Variants in RPGRIP1L observed in about 807,000 individuals in gnomAD.
RPGRIP1L encodes the protein protein fantom.
In RPGRIP1L, 131 loss-of-function variants were observed where a neutral mutation model predicts 160.4. That is an observed-to-expected ratio of 0.82 (90% confidence interval 0.71 to 0.94). The LOEUF (loss-of-function observed/expected upper bound fraction) is 0.94, where lower values mean the gene tolerates loss of function less well. RPGRIP1L is among the 40% of genes least tolerant of loss of function. The pLI is 0.00. For synonymous variants in RPGRIP1L, 510 were observed against 515.8 expected (o/e 0.99, Z 0.15); for missense variants, 1,522 against 1,535.8 (o/e 0.99, Z 0.15).
Position 53,656,519 on chromosome 16 carries a change from T to G in RPGRIP1L, c.1652A>C (p.Tyr551Ser), listed in dbSNP as rs1307023675. The change falls in exon 14 of 27, where the codon TAT becomes TCT. Residue 551 changes from tyrosine (Y) to serine (S), a missense_variant. Physicochemically the swap from Tyr to Ser is moderately radical, Grantham distance 144 (BLOSUM62 -2). Transcript: ENST00000647211. ...AGCCCTGATATCAAGAAGATGAACA[T>G]ACTGTTCCACTTTGAGTTCATAATC... Reference protein sequence around the residue: ...QQDYELKVEQYVHLLDIRAAR... With the variant: ...QQDYELKVEQSVHLLDIRAAR... The G allele has an allele frequency of 1.2e-6, 2 of 1,613,924 alleles. No individual in the cohort carries two copies. The highest frequency in any genetic ancestry group is 1.7e-6 in the Non-Finnish European group (2 of 1,179,920).
At chr16:53,683,298 T>TA (rs545534110) in intron 6 of RPGRIP1L, among the ~76,000 whole-genome samples, 8 of 150,082 alleles carry the variant, frequency 5.3e-5, no homozygotes, top group African/African-American at 7.3e-5. Flanking sequence ...AGGTCTGGTT[T>TA]AAAAAAAAAA....
At chr16:53,612,715 A>T (rs1400756505) in intron 24 of RPGRIP1L, among the ~76,000 whole-genome samples, 2 of 152,150 alleles carry the variant, frequency 1.3e-5, no homozygotes, top group East Asian at 3.9e-4. Flanking sequence ...CAATAGCTTA[A>T]ATCATTTTTT....
chr16:53,687,817 T>A, intron 5 of RPGRIP1L, 46 bp downstream of exon 5: 1 of 1,164,120 alleles, frequency 8.6e-7, no homozygotes, highest in Non-Finnish European at 1.3e-6. Flanking sequence ...AAAAAGACAT[T>A]ATCAATAACC....
At chr16:53,654,274 C>T (rs1361372242) in intron 14 of RPGRIP1L, among the ~76,000 whole-genome samples, 1 of 152,204 alleles carries the variant, frequency 6.6e-6, no homozygotes, top group Admixed American at 6.5e-5. Flanking sequence ...AGGGCCTTCA[C>T]AATTTTGTTC....
At chr16:53,695,276 C>A (rs1970669231) in intron 3 of RPGRIP1L, 1 of 690,136 alleles carries the variant, frequency 1.4e-6, no homozygotes, top group East Asian at 2.7e-5. Context: ...AGTCACAAAT[C>A]TTGAAAACAG....
In RPGRIP1L at chr16:53,690,609, C is replaced by G. The variant is rs540771107; in HGVS notation, c.529+1457G>C. On this transcript the variant is annotated intron_variant, in intron 4 of 26. Transcript: ENST00000647211. ...CTTCTCGAGGACTTTAGGTGTACAC[C>G]ATTGTGCCTAGCTTGAACATTATTT... 8.5e-5 allele frequency among the ~76,000 whole-genome samples: 13 copies of G among 152,304 alleles called. No homozygotes were observed. In the South Asian group the frequency reaches 2.7e-3, roughly 32 times the overall value.
At chr16:53,701,980 A>G (rs1355459616) in intron 1 of RPGRIP1L, among the ~76,000 whole-genome samples, 4 of 152,206 alleles carry the variant, frequency 2.6e-5, no homozygotes, top group African/African-American at 9.7e-5. Context: ...CTCCTATAGA[A>G]AAGGTCAATT....
At chr16:53,640,118 G>C (rs1391429073) in intron 19 of RPGRIP1L, among the ~76,000 whole-genome samples, 1 of 152,144 alleles carries the variant, frequency 6.6e-6, no homozygotes, top group Non-Finnish European at 1.5e-5. Context: ...TGGATGACCT[G>C]GGTGTAGGGG....
rs560553090 is a variant in RPGRIP1L, at chr16:53,697,582, T to A, written c.86-1287A>T. On this transcript the variant is annotated intron_variant, in intron 2 of 26. Transcript: ENST00000647211. ...TTTCGCTGTGTTGGCCGGGCTGGTC[T>A]CCAGCTCCTGACCGCGAGTGATCCA... Among the ~76,000 whole-genome samples the A allele has an allele frequency of 8.5e-5, 13 of 152,368 alleles. No individual in the cohort carries two copies. The East Asian group carries it at 2.3e-3, about 27-fold the overall frequency.
rs2150938382 is a variant in RPGRIP1L at position 53,611,020 on chromosome 16, T to C, written c.3648A>G (p.Ala1216=). The change falls in exon 25 of 27, where the codon GCA becomes GCG. Residue 1216 remains alanine, a synonymous_variant. Coordinates refer to ENST00000647211, the MANE Select transcript of RPGRIP1L (RefSeq NM_015272.5). ...VIYVDKENNK[A]KRDILKAILQ... ...GTATAGCTTTTAAGATGTCTCTCTT[T>C]GCTTTGTTGTTTTCTTTATCCACGT... is the stretch of plus-strand genomic sequence containing the variant. 1.9e-6 allele frequency: 3 copies of C among 1,613,520 alleles called. No homozygotes were observed. Among genetic ancestry groups the C allele is most frequent in the Non-Finnish European group, 2.5e-6 (3 of 1,179,580 alleles).
chr16:53,648,348 T>C (rs1476194310), intron 16 of RPGRIP1L, among the ~76,000 whole-genome samples: 2 of 152,100 alleles, frequency 1.3e-5, no homozygotes, highest in Non-Finnish European at 2.9e-5. Flanking sequence ...TTCAGAAACT[T>C]AACATGAGGA....
At chr16:53,610,771 T>C (rs1963981807) in intron 25 of RPGRIP1L, among the ~76,000 whole-genome samples, 196 bp downstream of exon 25, 1 of 152,208 alleles carries the variant, frequency 6.6e-6, no homozygotes, top group Non-Finnish European at 1.5e-5. Context: ...ACAATTACTT[T>C]GTATAGTAGG....
rs727503875 is a variant in RPGRIP1L, at chr16:53,641,443, G to A, written c.2716C>T (p.Pro906Ser). 3.7e-6 allele frequency: 6 copies of A among 1,613,834 alleles called. No individual in the cohort carries two copies. Among genetic ancestry groups the A allele is most frequent in the Non-Finnish European group, 5.1e-6 (6 of 1,179,840 alleles). ...AATATAACATGGATGGTGCCAGCAGGATGCTTTTGATGGTCTGTTAACTCA... is the reference window on the plus strand; with the variant it reads ...AATATAACATGGATGGTGCCAGCAGAATGCTTTTGATGGTCTGTTAACTCA... ...IFELTDHQKHPAGTIHVILKW... is the reference protein window; with the variant it reads ...IFELTDHQKHSAGTIHVILKW... Residue 906 changes from proline (P) to serine (S), a missense_variant, in exon 18 of 27, where the codon CCT becomes TCT. Pro to Ser is a moderately conservative substitution (Grantham distance 74, BLOSUM62 -1). Transcript: ENST00000647211.
chr16:53,632,333 G>C lies in RPGRIP1L; in HGVS notation c.3294+4106C>G, dbSNP rs556328975. On this transcript the variant is annotated intron_variant, in intron 22 of 26. Coordinates refer to ENST00000647211, the MANE Select transcript of RPGRIP1L (RefSeq NM_015272.5). ...TAATTTTGTGACATTATAAAATAGAGGCAATTTTTTAAAAAGTAGGGATAA... is the reference window on the plus strand; with the variant it reads ...TAATTTTGTGACATTATAAAATAGACGCAATTTTTTAAAAAGTAGGGATAA... Among the ~76,000 whole-genome samples the C allele has an allele frequency of 2.0e-4, 30 of 152,242 alleles. No homozygotes were observed. The East Asian group carries it at 5.4e-3, about 27-fold the overall frequency.
intron 2 of RPGRIP1L, among the ~76,000 whole-genome samples, chr16:53,697,409 C>T (rs1318236644): frequency 1.3e-5 from 2 of 151,982 alleles, no homozygotes; most frequent in East Asian, 3.9e-4. Context: ...CCTCTGATGC[C>T]AAGCCGAAGC....
At chr16:53,609,115 G>T (rs1468729133) in intron 25 of RPGRIP1L, among the ~76,000 whole-genome samples, 1 of 152,184 alleles carries the variant, frequency 6.6e-6, no homozygotes, top group Non-Finnish European at 1.5e-5. Flanking sequence ...TTGAGACAGG[G>T]TCTTGCTCTC....
chr16:53,615,963 C>T (rs771842968), intron 24 of RPGRIP1L, among the ~76,000 whole-genome samples: 48 of 152,102 alleles, frequency 3.2e-4, no homozygotes, highest in Non-Finnish European at 6.5e-4. Flanking sequence ...AGACTGAATT[C>T]AATTATGAAT....
chr16:53,617,809 A>T (rs1448948730), intron 24 of RPGRIP1L, among the ~76,000 whole-genome samples: 5 of 152,170 alleles, frequency 3.3e-5, no homozygotes, highest in Admixed American at 3.3e-4. Flanking sequence ...AAAAAAGGTA[A>T]CTGTGAGCAT....
At chr16:53,657,678 A>G (rs754324860) in intron 12 of RPGRIP1L, 46 bp from the exon 13 acceptor site, 26 of 1,075,370 alleles carry the variant, frequency 2.4e-5, no homozygotes, top group Non-Finnish European at 3.6e-5. Context: ...AATTTCTAAG[A>G]TGTGATTTTA....
Sources: gnomAD v4.1 joint callset for allele counts (sites outside exome capture counted in the v4.1 genomes callset) on GRCh38, gnomAD v4.1.1 for gene constraint, MANE v1.5 for transcripts, NCBI Gene and HGNC (gene_info 2026-07-23, HGNC 2026-07-21) for gene names.